Variants in TIAM1 observed in about 807,000 individuals in gnomAD.
The protein encoded by TIAM1 is TIAM Rac1 associated GEF 1.
In TIAM1, 65 loss-of-function variants were observed where a neutral mutation model predicts 163.5. The observed-to-expected ratio is 0.40, with a 90% confidence interval of 0.33 to 0.49. TIAM1 has a LOEUF of 0.49. Ranked by LOEUF, TIAM1 falls within the 20% of genes least tolerant of loss-of-function variation. TIAM1 has a pLI of 0.77. For missense variants in TIAM1, 1,789 were observed against 2,044.7 expected (o/e 0.87, Z 2.41); for synonymous variants, 833 against 810.1 (o/e 1.03, Z -0.48).
chr21:31,120,651 T>A lies in TIAM1; in HGVS notation c.4493A>T (p.Asp1498Val), dbSNP rs757981697. The A allele has an allele frequency of 3.2e-5, 52 of 1,614,058 alleles. No homozygotes were observed. Among genetic ancestry groups the A allele is most frequent in the Non-Finnish European group, 4.4e-5 (52 of 1,180,050 alleles). Residue 1498 changes from aspartate (D) to valine (V), a missense_variant, in exon 28 of 28, where the codon GAC (aspartate) becomes GTC (valine). Physicochemically the swap from Asp to Val is radical, Grantham distance 152. This residue lies in a region of TIAM1 where 415 missense variants were observed against 439.2 expected (regional missense o/e 0.94). Transcript: ENST00000541036. This position sits in a 1 kb window ranked among gnomAD's most constrained non-coding sequence, Gnocchi z 4.2. ...FDLAQYEEQD[D>V]IKETDILSDD... Reference sequence around the variant, plus strand: ...ACTGAGGATGTCTGTCTCCTTGATGTCATCTTGCTCCTCATACTGAGCAAG... The same window carrying A: ...ACTGAGGATGTCTGTCTCCTTGATGACATCTTGCTCCTCATACTGAGCAAG...
At chr21:31,374,588 G>A (rs1205635423) in intron 2 of TIAM1, among the ~76,000 whole-genome samples, 2 of 152,182 alleles carry the variant, frequency 1.3e-5, no homozygotes, top group African/African-American at 4.8e-5. Context: ...AACAGGAGGG[G>A]CTGTGAAACT....
intron 2 of TIAM1, among the ~76,000 whole-genome samples, chr21:31,277,254 A>C (rs2073338847): frequency 6.6e-6 from 1 of 152,230 alleles, no homozygotes; most frequent in Admixed American, 6.5e-5. Context: ...TCGTGACAAG[A>C]GTGACCTCTG....
upstream of TIAM1, among the ~76,000 whole-genome samples, chr21:31,346,886 TG>T (rs938540320): frequency 7.9e-5 from 12 of 151,932 alleles, no homozygotes; most frequent in African/African-American, 2.9e-4. Context: ...TAGCTCTGGG[TG>T]GGTGGGGGGC....
At chr21:31,228,160 C>T (rs983672248) in intron 6 of TIAM1, among the ~76,000 whole-genome samples, 9 of 138,916 alleles carry the variant, frequency 6.5e-5, no homozygotes, top group Admixed American at 5.4e-4. Context: ...ATCCGCCTGC[C>T]TCAGCCTCCC....
At chr21:31,136,297 G>A (rs1262598637) in intron 22 of TIAM1, among the ~76,000 whole-genome samples, 2 of 151,982 alleles carry the variant, frequency 1.3e-5, no homozygotes, top group South Asian at 2.1e-4. Flanking sequence ...ATGTTTTTGA[G>A]AAAAGAAATC....
intron 22 of TIAM1, among the ~76,000 whole-genome samples, chr21:31,140,673 A>C (rs942289429): frequency 6.6e-6 from 1 of 152,188 alleles, no homozygotes; most frequent in Admixed American, 6.5e-5. Flanking sequence ...TGCTCTTCTA[A>C]GTAGGTTTTT....
chr21:31,167,271 T>C (rs2084280782), intron 15 of TIAM1, among the ~76,000 whole-genome samples: 2 of 152,028 alleles, frequency 1.3e-5, no homozygotes, highest in South Asian at 2.1e-4. Context: ...TTTGTATTTT[T>C]AGTAGAGACA....
At chr21:31,473,520 A>C (rs1173464835) in intron 1 of TIAM1, among the ~76,000 whole-genome samples, 3 of 75,566 alleles carry the variant, frequency 4.0e-5, no homozygotes, top group African/African-American at 1.6e-4. Flanking sequence ...ATTTAAGGTT[A>C]ATTTTGTTTT....
At chr21:31,127,394 T>G (rs2082241976) in intron 25 of TIAM1, among the ~76,000 whole-genome samples, 1 of 151,298 alleles carries the variant, frequency 6.6e-6, no homozygotes, top group Non-Finnish European at 1.5e-5. Context: ...GTCTAAAAGG[T>G]CAATCATATG....
chr21:31,413,001 T>C (rs2043253367), intron 2 of TIAM1, among the ~76,000 whole-genome samples: 3 of 152,176 alleles, frequency 2.0e-5, no homozygotes, highest in South Asian at 2.1e-4. Context: ...GGCCTGGGGA[T>C]TGGGGACCCC....
At chr21:31,437,501 T>TAAAAAA (rs2044249807) in intron 2 of TIAM1, among the ~76,000 whole-genome samples, 1 of 93,474 alleles carries the variant, frequency 1.1e-5, no homozygotes, top group Admixed American at 1.1e-4. Context: ...AGACCCTGTC[T>TAAAAAA]CAAAAAAAAA....
intron 1 of TIAM1, among the ~76,000 whole-genome samples, chr21:31,525,840 C>T (rs148454864): frequency 0.077 from 11,648 of 152,024 alleles, 1,215 homozygotes; most frequent in African/African-American, 0.23. Flanking sequence ...TCGAGGCCAG[C>T]CTGGCCAACA....
At position 31,225,754 on chromosome 21, in the gene TIAM1, G is replaced by A. The variant is rs1457795285; in HGVS notation, c.1781C>T (p.Ser594Leu). Reference sequence around the variant, plus strand: ...ATCTAATATTGTTTTCTTTTTCTTTGAGTCAGTGACTGAAGACAGCTGCAT... The same window carrying A: ...ATCTAATATTGTTTTCTTTTTCTTTAAGTCAGTGACTGAAGACAGCTGCAT... ...GEMQLSSVTD[S>L]KKKKTILDQI... The change falls in exon 7 of 28, where the codon TCA becomes TTA. Residue 594 changes from serine to leucine, a missense_variant. Physicochemically the swap from Ser to Leu is moderately radical, Grantham distance 145. Coordinates refer to ENST00000541036, the MANE Select transcript of TIAM1 (RefSeq NM_001353694.2). 1 of 1,611,660 alleles carries A rather than the reference G, an allele frequency of 6.2e-7. No homozygotes were observed. Among genetic ancestry groups the A allele is most frequent in the Admixed American group, 1.7e-5 (1 of 59,870 alleles).
At chr21:31,414,242 C>T (rs1369103233) in intron 2 of TIAM1, among the ~76,000 whole-genome samples, 2 of 152,130 alleles carry the variant, frequency 1.3e-5, no homozygotes, top group South Asian at 2.1e-4. Context: ...TAAAAGTTCC[C>T]GTCCTCTTGT....
chr21:31,493,763 T>G (rs2046551339), intron 1 of TIAM1, among the ~76,000 whole-genome samples: 2 of 152,160 alleles, frequency 1.3e-5, no homozygotes, highest in East Asian at 3.9e-4. Context: ...GGTCTGGAGC[T>G]GGAGAAGGGA....
At chr21:31,253,345 C>G (rs575804039) in intron 4 of TIAM1, among the ~76,000 whole-genome samples, 1 of 152,176 alleles carries the variant, frequency 6.6e-6, no homozygotes, top group Non-Finnish European at 1.5e-5. Context: ...GGTTCAAACA[C>G]GTAAAAACTA....
intron 6 of TIAM1, among the ~76,000 whole-genome samples, chr21:31,232,827 T>C (rs1325215833): frequency 6.6e-6 from 1 of 152,120 alleles, no homozygotes; most frequent in African/African-American, 2.4e-5. Context: ...ACAAATCACC[T>C]TCCATTAAAC....
At chr21:31,499,956 C>T (rs1215241795) in intron 1 of TIAM1, among the ~76,000 whole-genome samples, 1 of 151,926 alleles carries the variant, frequency 6.6e-6, no homozygotes, top group Admixed American at 6.6e-5. Context: ...CCCCTGAGGT[C>T]AGAAGTTCAA....
chr21:31,492,776 T>TACACACACACAC (rs3055373), intron 1 of TIAM1, among the ~76,000 whole-genome samples: 150 of 139,784 alleles, frequency 1.1e-3, no homozygotes, highest in South Asian at 2.3e-3. Flanking sequence ...TATTTTGGGT[T>TACACACACACAC]ACACACACAC....
Sources: allele counts gnomAD v4.1 joint callset (sites outside exome capture counted in the v4.1 genomes callset), GRCh38; gene constraint gnomAD v4.1.1; regional missense constraint gnomAD v4.1.1; non-coding constraint Gnocchi (gnomAD v3.1); transcripts MANE v1.5; gene names NCBI Gene and HGNC (gene_info 2026-07-23, HGNC 2026-07-21).